The following GPC5 variants were observed in gnomAD, a reference collection of about 807,000 sequenced individuals.
The protein encoded by GPC5 is glypican-5.
A neutral mutation model predicts 53.9 loss-of-function variants in GPC5; 47 were observed. That is an observed-to-expected ratio of 0.87 (90% CI 0.69 to 1.11). The LOEUF is 1.11. Ranked by LOEUF, GPC5 falls within the 50% of genes most tolerant of loss-of-function variation. GPC5 has a pLI of 0.00. For synonymous variants in GPC5, 286 were observed against 263.3 expected (o/e 1.09, Z -0.84); for missense variants, 748 against 713.1 (o/e 1.05, Z -0.56).
intron 7 of GPC5, among the ~76,000 whole-genome samples, chr13:92,585,083 C>T (rs776887934): frequency 5.9e-5 from 9 of 152,054 alleles, no homozygotes; most frequent in Admixed American, 2.0e-4. Context: ...GGGTCAGAGA[C>T]CCCACACAGA....
At chr13:91,815,311 A>G (rs1228751848) in intron 5 of GPC5, among the ~76,000 whole-genome samples, 3 of 152,098 alleles carry the variant, frequency 2.0e-5, no homozygotes, top group East Asian at 1.9e-4. Context: ...CGAGACTACA[A>G]TGAGCCATGA....
intron 6 of GPC5, among the ~76,000 whole-genome samples, chr13:92,099,263 G>A (rs936176174): frequency 6.6e-6 from 1 of 152,086 alleles, no homozygotes; most frequent in Admixed American, 6.6e-5. Flanking sequence ...CTATCCTAGA[G>A]AATAATGTCC....
chr13:92,654,412 G>A (rs1250973719), intron 7 of GPC5, among the ~76,000 whole-genome samples: 1 of 152,108 alleles, frequency 6.6e-6, no homozygotes, highest in Non-Finnish European at 1.5e-5. Context: ...AATTCCATTT[G>A]ATAAGGCATA....
At chr13:92,763,462 G>A (rs2138740166) in intron 7 of GPC5, among the ~76,000 whole-genome samples, 1 of 152,204 alleles carries the variant, frequency 6.6e-6, no homozygotes, top group South Asian at 2.1e-4. Flanking sequence ...TAGTGACAAG[G>A]GCTTTGGCAG....
intron 2 of GPC5, among the ~76,000 whole-genome samples, chr13:91,646,389 A>T (rs2034557539): frequency 1.3e-5 from 2 of 152,178 alleles, no homozygotes; most frequent in South Asian, 4.1e-4. Context: ...TTTACAATGA[A>T]ATAAATTTTG....
At chr13:92,106,592 A>G (rs1216523533) in intron 6 of GPC5, among the ~76,000 whole-genome samples, 1 of 152,108 alleles carries the variant, frequency 6.6e-6, no homozygotes, top group Admixed American at 6.6e-5. Flanking sequence ...AAAACAATGG[A>G]AGAGTTAACA....
At chr13:92,523,221 G>A (rs1343462232) in intron 7 of GPC5, among the ~76,000 whole-genome samples, 6 of 152,028 alleles carry the variant, frequency 3.9e-5, no homozygotes, top group African/African-American at 9.7e-5. Context: ...TCTGGAACTC[G>A]TGTGTTGCTA....
intron 6 of GPC5, among the ~76,000 whole-genome samples, chr13:92,006,003 C>G (rs961633456): frequency 2.6e-5 from 4 of 152,152 alleles, no homozygotes; most frequent in Non-Finnish European, 5.9e-5. Flanking sequence ...CCACAAAAGT[C>G]TATACTTAGC....
At chr13:92,374,105 G>A (rs16947500) in intron 7 of GPC5, among the ~76,000 whole-genome samples, 6 of 151,960 alleles carry the variant, frequency 3.9e-5, no homozygotes, top group Admixed American at 6.6e-5. Context: ...CTATAGAATC[G>A]AACTTGATAA....
At chr13:92,653,573 A>G (rs1177190434) in intron 7 of GPC5, among the ~76,000 whole-genome samples, 1 of 152,258 alleles carries the variant, frequency 6.6e-6, no homozygotes, top group Non-Finnish European at 1.5e-5. Flanking sequence ...AAGAGAATGT[A>G]ACAAAATGGC....
intron 7 of GPC5, among the ~76,000 whole-genome samples, chr13:92,798,110 T>G (rs908244862): frequency 1.3e-5 from 2 of 151,902 alleles, no homozygotes; most frequent in African/African-American, 4.8e-5. Flanking sequence ...AGACTGAGCA[T>G]GCTGAAAATG....
At chr13:92,456,284 T>C (rs1260176472) in intron 7 of GPC5, among the ~76,000 whole-genome samples, 3 of 152,162 alleles carry the variant, frequency 2.0e-5, no homozygotes, top group Non-Finnish European at 2.9e-5. Flanking sequence ...ATGCTACAGC[T>C]CCTGAAGGAT....
intron 7 of GPC5, among the ~76,000 whole-genome samples, chr13:92,701,144 ATTTT>A (rs1887724855): frequency 6.6e-6 from 1 of 152,060 alleles, no homozygotes; most frequent in Admixed American, 6.6e-5. Context: ...TGTCTAATTT[ATTTT>A]TGTCATTTTA....
chr13:92,355,753 A>G (rs2043515937), intron 7 of GPC5, among the ~76,000 whole-genome samples: 1 of 152,084 alleles, frequency 6.6e-6, no homozygotes, highest in Non-Finnish European at 1.5e-5. Context: ...CATTACCAAT[A>G]AGACCCATAC....
At chr13:92,791,559 A>C (rs530006765) in intron 7 of GPC5, among the ~76,000 whole-genome samples, 1 of 152,164 alleles carries the variant, frequency 6.6e-6, no homozygotes, top group African/African-American at 2.4e-5. Flanking sequence ...ACCAAATAAA[A>C]GTAATTCTGC....
At chr13:91,940,370 AC>A (rs779961125) in intron 6 of GPC5, among the ~76,000 whole-genome samples, 10 of 152,162 alleles carry the variant, frequency 6.6e-5, no homozygotes, top group Non-Finnish European at 1.3e-4. Flanking sequence ...TATACATACT[AC>A]ATTTTCTTTA....
Position 91,948,227 on chromosome 13 carries a change from CAAA to C in GPC5, c.1401+40184_1401+40186del, listed in dbSNP as rs59185061. Among the ~76,000 whole-genome samples the C allele has an allele frequency of 1.9e-3, 256 of 132,568 alleles. 1 individual carries two copies. The highest frequency in any genetic ancestry group is 6.2e-3 in the South Asian group (26 of 4,164). 87.0% of individuals were successfully genotyped at this position (132,568 alleles called of 152,430 possible). On this transcript the variant is annotated intron_variant, in intron 6 of 7. Coordinates refer to ENST00000377067, the MANE Select transcript of GPC5 (RefSeq NM_004466.6). The stretch of plus-strand genomic sequence containing the variant: ...TGGGCGACAGAGGGAGACTCTGTCT[CAAA>C]AAAAAAAAAAAAATAAATAATAATA...
At chr13:91,594,770 CTGAGCT>C (rs572426979) in intron 2 of GPC5, among the ~76,000 whole-genome samples, 85 of 152,098 alleles carry the variant, frequency 5.6e-4, no homozygotes, top group African/African-American at 2.0e-3. Context: ...CCTCAACTTC[CTGAGCT>C]TGAGCAATCC....
intron 6 of GPC5, among the ~76,000 whole-genome samples, chr13:92,025,390 G>A (rs1185744751): frequency 6.6e-6 from 1 of 152,116 alleles, no homozygotes. Flanking sequence ...ATTTCAGAAG[G>A]AGGAAAGGAA....
Sources: gnomAD v4.1 joint callset for allele counts (sites outside exome capture counted in the v4.1 genomes callset) on GRCh38, gnomAD v4.1.1 for gene constraint, MANE v1.5 for transcripts, NCBI Gene and HGNC (gene_info 2026-07-23, HGNC 2026-07-21) for gene names.